The following FAM169A variants were observed in gnomAD, a reference collection of about 807,000 sequenced individuals.
The protein encoded by FAM169A is family with sequence similarity 169 member A.
In FAM169A, 24 loss-of-function variants were observed where a neutral mutation model predicts 75.7. That is an observed-to-expected ratio of 0.32 (90% confidence interval 0.23 to 0.45). The LOEUF (loss-of-function observed/expected upper bound fraction) is 0.45, where lower values mean the gene tolerates loss of function less well. FAM169A is among the 20% of genes least tolerant of loss of function. The probability of loss-of-function intolerance (pLI) is 1.00; values close to 1 mark genes in which losing one functional copy is unlikely to be tolerated. For missense variants in FAM169A, 673 were observed against 784.0 expected, an observed-to-expected ratio of 0.86 and a Z score of 1.69; for synonymous variants, 271 against 271.0, an observed-to-expected ratio of 1.00 and a Z score of 0.00.
chr5:74,822,510 C>A (rs1432850617), intron 5 of FAM169A, among the ~76,000 whole-genome samples: 1 of 152,190 alleles, frequency 6.6e-6, no homozygotes, highest in Non-Finnish European at 1.5e-5. Flanking sequence ...CTCAGGTCAT[C>A]AGTGGTCACA....
At chr5:74,824,490 CA>C (rs1186837076) in intron 5 of FAM169A, among the ~76,000 whole-genome samples, 1 of 152,130 alleles carries the variant, frequency 6.6e-6, no homozygotes, top group Non-Finnish European at 1.5e-5. Context: ...AGCCCTTTAA[CA>C]GATAGTCCTT....
intron 1 of FAM169A, among the ~76,000 whole-genome samples, chr5:74,859,111 G>A (rs1014407336): frequency 1.9e-4 from 29 of 151,272 alleles, no homozygotes; most frequent in Non-Finnish European, 3.4e-4. Context: ...CTACTCAAGA[G>A]GCTGAGGCAG....
chr5:74,857,007 G>T (rs1242143761), intron 1 of FAM169A, among the ~76,000 whole-genome samples: 1 of 151,372 alleles, frequency 6.6e-6, no homozygotes, highest in East Asian at 2.0e-4. Context: ...CACTCGGGAG[G>T]CTGAGGCAGG....
intron 4 of FAM169A, among the ~76,000 whole-genome samples, chr5:74,835,203 G>A (rs866358077): frequency 5.9e-5 from 9 of 151,962 alleles, no homozygotes; most frequent in Non-Finnish European, 1.0e-4. Flanking sequence ...ACATACTTAG[G>A]GCAGTAATAG....
intron 1 of FAM169A, among the ~76,000 whole-genome samples, chr5:74,853,634 G>A (rs1301955449): frequency 6.7e-6 from 1 of 149,908 alleles, no homozygotes; most frequent in East Asian, 2.0e-4. Context: ...GGAGTTAAGT[G>A]TTTTCAAACC....
intron 10 of FAM169A, chr5:74,798,920 C>T (rs1395243857): frequency 1.5e-5 from 11 of 713,036 alleles, no homozygotes; most frequent in Middle Eastern, 4.1e-4. Context: ...GCCCAGAGTC[C>T]GTAAATCCTC....
chr5:74,825,284 G>A (rs1747966893), intron 5 of FAM169A, among the ~76,000 whole-genome samples: 1 of 152,102 alleles, frequency 6.6e-6, no homozygotes, highest in Non-Finnish European at 1.5e-5. Context: ...TCAATCTTTA[G>A]AAAAAGAAAT....
At chr5:74,843,091 A>G (rs556845505) in intron 1 of FAM169A, among the ~76,000 whole-genome samples, 1 of 152,296 alleles carries the variant, frequency 6.6e-6, no homozygotes, top group African/African-American at 2.4e-5. Context: ...AAGTAAAAAT[A>G]GAAAAAGAAA....
intron 11 of FAM169A, among the ~76,000 whole-genome samples, chr5:74,784,510 C>CAAAAAAAAAAAAAAAAAAA (rs200414695): frequency 1.0e-4 from 3 of 29,860 alleles, no homozygotes; most frequent in African/African-American, 6.1e-4. Context: ...GACTCCGTCT[C>CAAAAAAAAAAAAAAAAAAA]AAAAAAAAAA....
chr5:74,809,787 T>C (rs1300525907), intron 6 of FAM169A, among the ~76,000 whole-genome samples: 2 of 152,218 alleles, frequency 1.3e-5, no homozygotes, highest in Non-Finnish European at 2.9e-5. Context: ...TAATGAGTGC[T>C]TTCCACTTAC....
rs545088854 is a variant in FAM169A, at chr5:74,832,335, TCAGG to T, written c.490+2087_490+2090del. On this transcript the variant is annotated intron_variant, in intron 5 of 12. Coordinates refer to ENST00000687041, the MANE Select transcript of FAM169A (RefSeq NM_001376049.1). ...TGTAAGTCTCTCACAGTGATCTATT[TCAGG>T]CAAAGAAGAATTTACATAGTTTCTT... is the stretch of plus-strand genomic sequence containing the variant. Among the ~76,000 whole-genome samples, 617 of 152,056 alleles carry T rather than the reference TCAGG, an allele frequency of 4.1e-3. 8 individuals carry two copies. Among genetic ancestry groups the T allele is most frequent in the African/African-American group, 0.014 (579 of 41,556 alleles).
At chr5:74,843,418 C>G (rs1165434747) in intron 1 of FAM169A, among the ~76,000 whole-genome samples, 1 of 152,008 alleles carries the variant, frequency 6.6e-6, no homozygotes, top group Non-Finnish European at 1.5e-5. Context: ...GAAGAATGCA[C>G]CCTGTCGGAG....
In FAM169A at chr5:74,841,491, T is replaced by C. The variant is rs537719346; in HGVS notation, c.132+54A>G. 3.2e-5 allele frequency: 43 copies of C among 1,336,096 alleles called. 1 individual carries two copies. The South Asian group carries it at 5.9e-4, about 18-fold the overall frequency. The allele number at this position is 1,336,096 out of a possible 1,614,324, so 82.8% of individuals were successfully genotyped here. A position where few individuals can be genotyped will look rare whatever the true frequency, so the allele number is the denominator to read the frequency against. On this transcript the variant is annotated intron_variant, in intron 2 of 12. Coordinates refer to ENST00000687041, the MANE Select transcript of FAM169A (RefSeq NM_001376049.1). ...ATTTTTTTAAAAAAGGATATTTATT[T>C]CATGTATAAACTGAACTGAAAAGAT...
Position 74,797,344 on chromosome 5 carries a change from T to C in FAM169A, c.1104-1158A>G, listed in dbSNP as rs112651758. 3.9e-3 allele frequency among the ~76,000 whole-genome samples: 596 copies of C among 152,222 alleles called. 18 individuals are homozygous for C. In the South Asian group the frequency reaches 0.059, roughly 15 times the overall value. Reference sequence around the variant, plus strand: ...GAAGTGTGCCACCACGCCCGGCTAATTTTTGTATTTTTAGTAGTGACAGGG... The same window carrying C: ...GAAGTGTGCCACCACGCCCGGCTAACTTTTGTATTTTTAGTAGTGACAGGG... On this transcript the variant is annotated intron_variant, in intron 10 of 12. Transcript: ENST00000687041.
chr5:74,840,134 A>G lies in FAM169A; in HGVS notation c.172T>C (p.Tyr58His). Residue 58 changes from tyrosine to histidine, a missense_variant, in exon 3 of 13, where the codon TAT (tyrosine) becomes CAT (histidine). Coordinates refer to ENST00000687041, the MANE Select transcript of FAM169A (RefSeq NM_001376049.1). ...SLSNVGFVPL[Y>H]GGDQTQKILA... The stretch of plus-strand genomic sequence containing the variant: ...ATTTTCTGGGTCTGATCTCCACCAT[A>G]AAGAGGTACAAAGCCTACATTTGAC... 2 of 1,599,784 alleles carry G rather than the reference A, an allele frequency of 1.3e-6. No homozygotes were observed. Among genetic ancestry groups the G allele is most frequent in the African/African-American group, 1.3e-5 (1 of 74,632 alleles).
chr5:74,850,080 G>A (rs770657177), intron 1 of FAM169A, among the ~76,000 whole-genome samples: 3 of 152,120 alleles, frequency 2.0e-5, no homozygotes, highest in African/African-American at 7.2e-5. Context: ...TATGTGCCAG[G>A]TTCTATTCCG....
rs149988592 is a variant in FAM169A, at chr5:74,805,793, T to C, written c.671-509A>G. 2.7e-3 allele frequency among the ~76,000 whole-genome samples: 406 copies of C among 152,028 alleles called. 6 individuals are homozygous for C. Among genetic ancestry groups the C allele is most frequent in the East Asian group, 0.017 (89 of 5,186 alleles). On this transcript the variant is annotated intron_variant, in intron 6 of 12. Transcript: ENST00000687041. ...TGAATAAAAAGATTGTCAGACTCAA[T>C]AGTATAAAAATACCAGTTCTCATCA...
At chr5:74,809,747 G>C (rs971659339) in intron 6 of FAM169A, among the ~76,000 whole-genome samples, 17 of 152,158 alleles carry the variant, frequency 1.1e-4, no homozygotes, top group Non-Finnish European at 2.2e-4. Context: ...AAAATCTTTA[G>C]TCTTCAGGAA....
At chr5:74,854,557 T>A (rs541341056) in intron 1 of FAM169A, among the ~76,000 whole-genome samples, 1 of 152,256 alleles carries the variant, frequency 6.6e-6, no homozygotes, top group East Asian at 1.9e-4. Context: ...CTTCATTCAA[T>A]CTAACTATGT....
Sources: allele counts gnomAD v4.1 joint callset (sites outside exome capture counted in the v4.1 genomes callset), GRCh38; gene constraint gnomAD v4.1.1; transcripts MANE v1.5; gene names NCBI Gene and HGNC (gene_info 2026-07-23, HGNC 2026-07-21).